Variants in PLS1 observed in about 807,000 individuals in gnomAD.
PLS1 encodes plastin-1.
Under a neutral mutation model 73.7 loss-of-function variants are expected in PLS1, and 32 were observed. That is an observed-to-expected ratio of 0.43 (90% CI 0.33 to 0.58). The LOEUF (loss-of-function observed/expected upper bound fraction) is 0.58, where lower values mean the gene tolerates loss of function less well. Ranked by LOEUF, PLS1 falls within the 20% of genes least tolerant of loss-of-function variation. The pLI is 0.04. For synonymous variants in PLS1, 217 were observed against 261.3 expected (o/e 0.83, Z 1.63); for missense variants, 633 against 740.5 (o/e 0.85, Z 1.68).
At chr3:142,680,679 T>C (rs2037833898) in intron 6 of PLS1, among the ~76,000 whole-genome samples, 1 of 152,174 alleles carries the variant, frequency 6.6e-6, no homozygotes, top group South Asian at 2.1e-4. Flanking sequence ...CCCCTCAAAA[T>C]CTCTAGAACA....
intron 1 of PLS1, among the ~76,000 whole-genome samples, chr3:142,660,313 T>C (rs535644884): frequency 6.6e-6 from 1 of 152,348 alleles, no homozygotes; most frequent in South Asian, 2.1e-4. Context: ...GTATCTTGTT[T>C]TGTTTTTTTG....
At chr3:142,599,698 C>T (rs539856229) in intron 1 of PLS1, among the ~76,000 whole-genome samples, 1 of 152,174 alleles carries the variant, frequency 6.6e-6, no homozygotes, top group South Asian at 2.1e-4. Context: ...TTACTAGACC[C>T]AAGCTCTTTT....
chr3:142,684,376 A>G lies in PLS1; in HGVS notation c.869A>G (p.Asn290Ser), dbSNP rs1419208671. The change falls in exon 8 of 16, where the codon AAC (asparagine) becomes AGC (serine). Residue 290 changes from asparagine (N) to serine (S), a missense_variant. Physicochemically the swap from Asn to Ser is conservative, Grantham distance 46 (BLOSUM62 1). Coordinates refer to ENST00000457734, the MANE Select transcript of PLS1 (RefSeq NM_001145319.2). Reference sequence around the variant, plus strand: ...AATGCAGGATGGCATACCATCAGCAACTTCAGCCAAGACATTAAGGTTTAT... The same window carrying G: ...AATGCAGGATGGCATACCATCAGCAGCTTCAGCCAAGACATTAAGGTTTAT... ...LTNAGWHTISNFSQDIKDSRA... is the reference protein window; with the variant it reads ...LTNAGWHTISSFSQDIKDSRA... 3 of 1,613,636 alleles carry G rather than the reference A, an allele frequency of 1.9e-6. No individual in the cohort carries two copies. The highest frequency in any genetic ancestry group is 1.1e-5 in the South Asian group (1 of 91,046).
chr3:142,599,952 G>A (rs1026080239), intron 1 of PLS1, among the ~76,000 whole-genome samples: 10 of 151,680 alleles, frequency 6.6e-5, no homozygotes, highest in African/African-American at 2.4e-4. Flanking sequence ...TTAGAGATGG[G>A]GTCTCACTAT....
intron 1 of PLS1, among the ~76,000 whole-genome samples, chr3:142,640,886 T>C (rs2036817573): frequency 6.6e-6 from 1 of 152,084 alleles, no homozygotes; most frequent in Non-Finnish European, 1.5e-5. Context: ...ACTTTTTTTC[T>C]TCCTCTCTTG....
At chr3:142,625,050 T>C (rs1180285934) in intron 1 of PLS1, among the ~76,000 whole-genome samples, 3 of 152,176 alleles carry the variant, frequency 2.0e-5, no homozygotes, top group African/African-American at 7.2e-5. Context: ...ATGTTACTAA[T>C]GGTTTGGCCT....
intron 1 of PLS1, among the ~76,000 whole-genome samples, chr3:142,613,068 T>C (rs1157058529): frequency 6.6e-6 from 1 of 151,694 alleles, no homozygotes; most frequent in Admixed American, 6.6e-5. Flanking sequence ...GCCCGGCCAA[T>C]TTTCAGTCTG....
At chr3:142,706,804 G>A (rs2107966668) in intron 14 of PLS1, among the ~76,000 whole-genome samples, 1 of 152,122 alleles carries the variant, frequency 6.6e-6, no homozygotes, top group Non-Finnish European at 1.5e-5. Flanking sequence ...AAGGGAGGGA[G>A]GAGCCAAAAC....
rs1560024568 is a variant in PLS1, at chr3:142,600,914, A to ATTTT, written c.-37+4406_-37+4407insTTTT. On this transcript the variant is annotated intron_variant, in intron 1 of 15. Coordinates refer to ENST00000457734, the MANE Select transcript of PLS1 (RefSeq NM_001145319.2). ...TATATATATATATATATATATATAT[A>ATTTT]TATTTTTTTTTTTTTTTTTTTTTTT... Among the ~76,000 whole-genome samples, 121 of 19,018 alleles carry ATTTT rather than the reference A, an allele frequency of 6.4e-3. 2 individuals are homozygous for ATTTT. The highest frequency in any genetic ancestry group is 6.7e-3 in the Non-Finnish European group (80 of 11,920). 12.5% of individuals were successfully genotyped at this position (19,018 alleles called of 152,430 possible).
chr3:142,693,719 C>G (rs2038134171), intron 10 of PLS1, among the ~76,000 whole-genome samples: 1 of 152,110 alleles, frequency 6.6e-6, no homozygotes. Flanking sequence ...GATGTAAGCA[C>G]TGTTACAAAG....
rs200055316 is a variant in PLS1 at position 142,607,445 on chromosome 3, T to A, written c.-37+10936T>A. 6.1e-4 allele frequency among the ~76,000 whole-genome samples: 93 copies of A among 152,212 alleles called. 1 individual carries two copies. The East Asian group carries it at 0.017, about 28-fold the overall frequency. On this transcript the variant is annotated intron_variant, in intron 1 of 15. Transcript: ENST00000457734. ...GCATGTGCCACCACGCCCAGCTAAT[T>A]TTTGTATTTTTAGTAGAGACGGGTT...
intron 2 of PLS1, among the ~76,000 whole-genome samples, chr3:142,668,901 C>T (rs78431202): frequency 2.1e-3 from 312 of 152,142 alleles, no homozygotes; most frequent in Non-Finnish European, 2.4e-3. Flanking sequence ...TGCGCCTGGC[C>T]CCCCCCATGC....
At chr3:142,704,028 A>G in intron 13 of PLS1, 27 bp downstream of exon 13, 1 of 1,602,088 alleles carries the variant, frequency 6.2e-7, no homozygotes, top group South Asian at 1.1e-5. Context: ...TGGTAGCAAC[A>G]CTGCCTGTTT....
In PLS1 at chr3:142,637,830, T is replaced by C. The variant is rs111736363; in HGVS notation, c.-36-26372T>C. Among the ~76,000 whole-genome samples, 97 of 152,256 alleles carry C rather than the reference T, an allele frequency of 6.4e-4. No homozygotes were observed. The South Asian group carries it at 6.4e-3, about 10-fold the overall frequency. The stretch of plus-strand genomic sequence containing the variant: ...CATCCTGATTAATACTTTTTATCTG[T>C]AGATAAACAACATGCCAGGCCCCCC... On this transcript the variant is annotated intron_variant, in intron 1 of 15. Transcript: ENST00000457734.
In PLS1 at chr3:142,668,521, G is replaced by T. The variant is rs150521760; in HGVS notation, c.71-869G>T. On this transcript the variant is annotated intron_variant, in intron 2 of 15. Coordinates refer to ENST00000457734, the MANE Select transcript of PLS1 (RefSeq NM_001145319.2). ...TTTTATATGGAATGTGGGGTCAGCA[G>T]ATTTATTTTCTAAATTCCCTCAAGA... Among the ~76,000 whole-genome samples, 36 of 151,982 alleles carry T rather than the reference G, an allele frequency of 2.4e-4. No individual in the cohort carries two copies. The East Asian group carries it at 5.8e-3, about 25-fold the overall frequency.
At chr3:142,605,239 C>T (rs1209732490) in intron 1 of PLS1, among the ~76,000 whole-genome samples, 1 of 152,194 alleles carries the variant, frequency 6.6e-6, no homozygotes, top group Non-Finnish European at 1.5e-5. Context: ...AAAAAGCTTT[C>T]TGATTTTACT....
At position 142,635,268 on chromosome 3, in the gene PLS1, G is replaced by A. The variant is rs73000166; in HGVS notation, c.-36-28934G>A. On this transcript the variant is annotated intron_variant, in intron 1 of 15. Coordinates refer to ENST00000457734, the MANE Select transcript of PLS1 (RefSeq NM_001145319.2). The stretch of plus-strand genomic sequence containing the variant: ...TTGGGTAATCCAAAAGAAGAAAAAA[G>A]AGGAAAAAAGAAAACAAAGAACAAA... 3.5e-3 allele frequency among the ~76,000 whole-genome samples: 530 copies of A among 151,970 alleles called. 2 individuals are homozygous for A. The highest frequency in any genetic ancestry group is 0.012 in the African/African-American group (512 of 41,480).
chr3:142,600,060 T>C (rs914005490), intron 1 of PLS1, among the ~76,000 whole-genome samples: 1 of 152,182 alleles, frequency 6.6e-6, no homozygotes, highest in Non-Finnish European at 1.5e-5. Context: ...CCAAGATTAA[T>C]TTGAGTTGGT....
At chr3:142,652,687 A>G (rs2108642362) in intron 1 of PLS1, among the ~76,000 whole-genome samples, 1 of 152,340 alleles carries the variant, frequency 6.6e-6, no homozygotes, top group East Asian at 1.9e-4. Context: ...TTGGGTTTCA[A>G]AACTGAATAG....
Sources: gnomAD v4.1 joint callset for allele counts (sites outside exome capture counted in the v4.1 genomes callset) on GRCh38, gnomAD v4.1.1 for gene constraint, MANE v1.5 for transcripts, NCBI Gene and HGNC (gene_info 2026-07-23, HGNC 2026-07-21) for gene names.